TRAF3: variants seen among roughly 807,000 people sequenced by gnomAD.
The protein encoded by TRAF3 is TNF receptor-associated factor 3.
In TRAF3, 13 loss-of-function variants were observed where a neutral mutation model predicts 62.3. The observed-to-expected ratio is 0.21, with a 90% CI of 0.14 to 0.33. The LOEUF (loss-of-function observed/expected upper bound fraction) is 0.33, where lower values mean the gene tolerates loss of function less well. TRAF3 is among the 10% of genes least tolerant of loss of function. The pLI, the probability that TRAF3 is intolerant of heterozygous loss-of-function variation, is 1.00. For synonymous variants in TRAF3, 269 were observed against 283.4 expected, an observed-to-expected ratio of 0.95 and a Z score of 0.51; for missense variants, 440 against 741.8, an observed-to-expected ratio of 0.59 and a Z score of 4.73.
At chr14:102,800,024 G>A (rs185739305) in intron 1 of TRAF3, among the ~76,000 whole-genome samples, 30 of 152,228 alleles carry the variant, frequency 2.0e-4, no homozygotes, top group Admixed American at 2.0e-3. Flanking sequence ...GACTCCAAGG[G>A]GAACTCCTGA....
intron 2 of TRAF3, among the ~76,000 whole-genome samples, chr14:102,853,861 A>G (rs1330202289): frequency 6.6e-6 from 1 of 150,862 alleles, no homozygotes; most frequent in East Asian, 1.9e-4. Context: ...AAAGAATGTT[A>G]TGCAACCATC....
At chr14:102,881,280 A>C (rs1889042370) in intron 6 of TRAF3, among the ~76,000 whole-genome samples, 1 of 152,060 alleles carries the variant, frequency 6.6e-6, no homozygotes, top group Admixed American at 6.6e-5. Context: ...GCTACTCGGG[A>C]GACTGAGACA....
chr14:102,863,663 A>G (rs1028075812), intron 2 of TRAF3, among the ~76,000 whole-genome samples: 4 of 152,030 alleles, frequency 2.6e-5, no homozygotes, highest in Non-Finnish European at 5.9e-5. Flanking sequence ...TCAAACCTTT[A>G]TTTTCCAAAA....
intron 1 of TRAF3, among the ~76,000 whole-genome samples, chr14:102,800,096 G>A (rs995803826): frequency 2.2e-4 from 33 of 152,134 alleles, no homozygotes; most frequent in African/African-American, 7.0e-4. Flanking sequence ...CTCTTAATGG[G>A]CTATTAGAAA....
rs191951252 is a variant in TRAF3 at position 102,872,389 on chromosome 14, C to G, written c.297+421C>G. 3.8e-3 allele frequency among the ~76,000 whole-genome samples: 574 copies of G among 152,360 alleles called. 3 individuals carry two copies. The highest frequency in any genetic ancestry group is 6.2e-3 in the Non-Finnish European group (425 of 68,040). On this transcript the variant is annotated intron_variant, in intron 4 of 11. Transcript: ENST00000392745. Reference sequence around the variant, plus strand: ...TTACACTAGGTTTTACCTTCAGACTCGCTAGGCTGAGGGGTTCATTTGAGT... The same window carrying G: ...TTACACTAGGTTTTACCTTCAGACTGGCTAGGCTGAGGGGTTCATTTGAGT...
At chr14:102,799,216 T>C (rs991880244) in intron 1 of TRAF3, among the ~76,000 whole-genome samples, 1 of 152,162 alleles carries the variant, frequency 6.6e-6, no homozygotes, top group African/African-American at 2.4e-5. Flanking sequence ...GTCTTTCTCA[T>C]GATGGGTACA....
intron 2 of TRAF3, among the ~76,000 whole-genome samples, chr14:102,863,982 C>T (rs992316282): frequency 4.6e-5 from 7 of 152,234 alleles, no homozygotes; most frequent in Admixed American, 3.9e-4. Context: ...TAGGCCACTG[C>T]GGCAGCCAGG....
chr14:102,824,347 A>T (rs900710643), intron 1 of TRAF3, among the ~76,000 whole-genome samples: 2 of 152,222 alleles, frequency 1.3e-5, no homozygotes, highest in Non-Finnish European at 2.9e-5. Context: ...GTGGTCATGA[A>T]ATGGTCTTAT....
At chr14:102,781,930 A>T (rs1037816948) in intron 1 of TRAF3, among the ~76,000 whole-genome samples, 1 of 150,918 alleles carries the variant, frequency 6.6e-6, no homozygotes, top group African/African-American at 2.4e-5. Flanking sequence ...GTAGCTGGGG[A>T]CCACAGGTGT....
At chr14:102,802,134 G>GAGCCACCACGCCC (rs1898468360) in intron 1 of TRAF3, among the ~76,000 whole-genome samples, 2 of 147,586 alleles carry the variant, frequency 1.4e-5, no homozygotes, top group Non-Finnish European at 1.5e-5. Flanking sequence ...TTGCAGGCAT[G>GAGCCACCACGCCC]AGCCATTGCA....
chr14:102,811,728 A>AGTGTGTGT (rs146439927), intron 1 of TRAF3, among the ~76,000 whole-genome samples: 19 of 138,618 alleles, frequency 1.4e-4, no homozygotes, highest in African/African-American at 4.9e-4. Context: ...CTACAGCAGT[A>AGTGTGTGT]GTGTGTGTGT....
intron 2 of TRAF3, among the ~76,000 whole-genome samples, chr14:102,832,691 A>AT (rs1229459873): frequency 6.6e-6 from 1 of 152,112 alleles, no homozygotes; most frequent in Non-Finnish European, 1.5e-5. Context: ...AAATATATAT[A>AT]TTTATCAAGC....
At chr14:102,904,019 G>C in intron 11 of TRAF3, 1 of 356,628 alleles carries the variant, frequency 2.8e-6, no homozygotes, top group Non-Finnish European at 5.6e-6. Flanking sequence ...TCGCCTCCAA[G>C]AGAGCAGAGG....
In TRAF3 at chr14:102,906,452, A is replaced by G. The variant is rs1890589486; in HGVS notation, c.*668A>G. The G allele has an allele frequency of 6.6e-6, 1 of 152,336 alleles. No homozygotes were observed. The highest frequency in any genetic ancestry group is 1.5e-5 in the Non-Finnish European group (1 of 68,052). The allele number at this position is 152,336 out of a possible 1,614,324, so 9.4% of individuals were successfully genotyped here. A position where few individuals can be genotyped will look rare whatever the true frequency, so the allele number is the denominator to read the frequency against. On this transcript the variant is annotated 3_prime_UTR_variant, in exon 12 of 12. Coordinates refer to ENST00000392745, the MANE Select transcript of TRAF3 (RefSeq NM_145725.3). ...TATTTTAAAACGTTGATAGACTGAT[A>G]TTTCTTGGAAGAAAATATAAAATAT...
At chr14:102,884,743 C>T (rs1338166903) in intron 6 of TRAF3, among the ~76,000 whole-genome samples, 5 of 151,314 alleles carry the variant, frequency 3.3e-5, no homozygotes, top group African/African-American at 7.3e-5. Flanking sequence ...ACCCAGGAGG[C>T]GGAGGTTGCT....
At chr14:102,849,937 G>A (rs1310389130) in intron 2 of TRAF3, among the ~76,000 whole-genome samples, 1 of 152,192 alleles carries the variant, frequency 6.6e-6, no homozygotes, top group Non-Finnish European at 1.5e-5. Context: ...CTCCATGTGT[G>A]TCGTGTTTTG....
chr14:102,791,778 A>G (rs1485150986), intron 1 of TRAF3, among the ~76,000 whole-genome samples: 2 of 151,600 alleles, frequency 1.3e-5, no homozygotes, highest in African/African-American at 2.4e-5. Context: ...GCTTTTCACC[A>G]TTGATTATGA....
At chr14:102,838,838 C>A (rs1351103846) in intron 2 of TRAF3, among the ~76,000 whole-genome samples, 2 of 152,180 alleles carry the variant, frequency 1.3e-5, no homozygotes, top group Non-Finnish European at 2.9e-5. Context: ...CTGATTGTTA[C>A]ATTGAATTCC....
chr14:102,853,065 C>T (rs751832687), intron 2 of TRAF3, among the ~76,000 whole-genome samples: 1 of 152,032 alleles, frequency 6.6e-6, no homozygotes, highest in Non-Finnish European at 1.5e-5. Flanking sequence ...CCACGTCCGG[C>T]TAATTTTTGT....
Sources: gnomAD v4.1 joint callset for allele counts (sites outside exome capture counted in the v4.1 genomes callset) on GRCh38, gnomAD v4.1.1 for gene constraint, MANE v1.5 for transcripts, NCBI Gene and HGNC (gene_info 2026-07-23, HGNC 2026-07-21) for gene names.